PTPRD: variants seen among roughly 807,000 people sequenced by gnomAD.
PTPRD encodes protein tyrosine phosphatase receptor type D, also known as receptor-type tyrosine-protein phosphatase delta.
Under a neutral mutation model 214.5 loss-of-function variants are expected in PTPRD, and 34 were observed. The ratio of observed to expected loss-of-function variants is 0.16; its 90% CI spans 0.12 to 0.21. PTPRD has a LOEUF of 0.21. Ranked by LOEUF, PTPRD falls within the 10% of genes least tolerant of loss-of-function variation. PTPRD has a pLI of 1.00. For synonymous variants in PTPRD, 1,128 were observed against 845.7 expected (o/e 1.33, Z -5.79); for missense variants, 2,545 against 2,398.7 (o/e 1.06, Z -1.27).
At chr9:10,597,836 G>A (rs181236523) in intron 2 of PTPRD, among the ~76,000 whole-genome samples, 1 of 151,900 alleles carries the variant, frequency 6.6e-6, no homozygotes, top group East Asian at 1.9e-4. Context: ...TAATTCTATA[G>A]TTTATATTAA....
At chr9:9,254,274 G>A (rs2099976770) in intron 9 of PTPRD, among the ~76,000 whole-genome samples, 1 of 151,904 alleles carries the variant, frequency 6.6e-6, no homozygotes, top group African/African-American at 2.4e-5. Flanking sequence ...TTTCCTTTTT[G>A]GACAAAGTAA....
chr9:10,514,652 T>G (rs1187653301), intron 2 of PTPRD, among the ~76,000 whole-genome samples: 2 of 151,950 alleles, frequency 1.3e-5, no homozygotes, highest in African/African-American at 4.8e-5. Flanking sequence ...AGTGACTTTT[T>G]TTTCCTCTTG....
intron 3 of PTPRD, among the ~76,000 whole-genome samples, chr9:10,196,493 G>A (rs2099398774): frequency 6.6e-6 from 1 of 152,240 alleles, no homozygotes; most frequent in Admixed American, 6.5e-5. Context: ...ACACCCCTCT[G>A]CATAGACTCT....
At chr9:8,761,621 C>T (rs528101102) in intron 11 of PTPRD, among the ~76,000 whole-genome samples, 1 of 152,234 alleles carries the variant, frequency 6.6e-6, no homozygotes, top group South Asian at 2.1e-4. Context: ...TAAGGAGTTA[C>T]AATCCTAAGA....
intron 11 of PTPRD, among the ~76,000 whole-genome samples, chr9:8,783,803 T>C (rs1008774591): frequency 2.6e-5 from 4 of 152,208 alleles, no homozygotes; most frequent in African/African-American, 9.6e-5. Context: ...AATTCCCAGA[T>C]AGAGCAGGAG....
intron 3 of PTPRD, among the ~76,000 whole-genome samples, chr9:10,322,941 T>C (rs2096577735): frequency 6.6e-6 from 1 of 151,934 alleles, no homozygotes; most frequent in Non-Finnish European, 1.5e-5. Context: ...TATGGGAATG[T>C]TCAGGAATAA....
At chr9:10,477,591 GA>G (rs2099071370) in intron 2 of PTPRD, among the ~76,000 whole-genome samples, 1 of 152,072 alleles carries the variant, frequency 6.6e-6, no homozygotes, top group African/African-American at 2.4e-5. Flanking sequence ...CAAGGATCTA[GA>G]ACCAGAAATA....
chr9:8,720,117 T>C (rs774631359), intron 12 of PTPRD, among the ~76,000 whole-genome samples: 1 of 152,216 alleles, frequency 6.6e-6, no homozygotes, highest in African/African-American at 2.4e-5. Flanking sequence ...CCACCTCCCA[T>C]GTGGTCACTC....
intron 9 of PTPRD, among the ~76,000 whole-genome samples, chr9:9,239,207 A>T (rs548422409): frequency 1.8e-4 from 27 of 152,204 alleles, no homozygotes; most frequent in South Asian, 1.4e-3. Context: ...TGAAAAAAAA[A>T]AAAACCACAA....
chr9:8,857,261 G>T (rs547940477), intron 11 of PTPRD, among the ~76,000 whole-genome samples: 1 of 152,270 alleles, frequency 6.6e-6, no homozygotes, highest in African/African-American at 2.4e-5. Flanking sequence ...TTTAAAAAAG[G>T]CGGTGGCAGG....
chr9:9,151,216 G>C (rs531063937), intron 10 of PTPRD, among the ~76,000 whole-genome samples: 4 of 152,256 alleles, frequency 2.6e-5, no homozygotes, highest in African/African-American at 9.6e-5. Flanking sequence ...TTGTTTTGGG[G>C]AGTCTGAGGT....
At chr9:9,488,574 A>G (rs747803411) in intron 8 of PTPRD, among the ~76,000 whole-genome samples, 1 of 152,170 alleles carries the variant, frequency 6.6e-6, no homozygotes, top group African/African-American at 2.4e-5. Flanking sequence ...AATAAAAATA[A>G]GGCTATTATT....
chr9:10,339,743 T>G (rs1042683065), intron 3 of PTPRD, among the ~76,000 whole-genome samples: 9 of 151,700 alleles, frequency 5.9e-5, no homozygotes, highest in African/African-American at 1.9e-4. Flanking sequence ...CAGGAAACCT[T>G]GGTCTCATTA....
intron 7 of PTPRD, among the ~76,000 whole-genome samples, chr9:9,685,000 G>A (rs193005549): frequency 6.6e-6 from 1 of 151,658 alleles, no homozygotes; most frequent in Non-Finnish European, 1.5e-5. Flanking sequence ...TGAAGCCCAT[G>A]TCCTTAGAAC....
chr9:8,977,389 T>C (rs1051048761), intron 11 of PTPRD, among the ~76,000 whole-genome samples: 4 of 152,136 alleles, frequency 2.6e-5, no homozygotes. Context: ...GATCTGGTTC[T>C]ATTTAGTATT....
intron 12 of PTPRD, among the ~76,000 whole-genome samples, chr9:8,698,737 T>C (rs866691225): frequency 2.6e-5 from 4 of 152,258 alleles, no homozygotes; most frequent in Middle Eastern, 3.4e-3. Context: ...TCCGGCATAA[T>C]ACAGAAATCG....
intron 2 of PTPRD, among the ~76,000 whole-genome samples, chr9:10,508,725 C>T (rs976592581): frequency 5.3e-5 from 8 of 152,034 alleles, no homozygotes; most frequent in African/African-American, 1.9e-4. Context: ...TGTTCTCACT[C>T]ATAGGTGGGA....
rs546367912 is a variant in PTPRD at position 8,435,054 on chromosome 9, C to T, written c.4086+1538G>A. Among the ~76,000 whole-genome samples the T allele has an allele frequency of 2.1e-4, 32 of 152,276 alleles. 1 individual carries two copies. The Middle Eastern group carries it at 0.014, about 65-fold the overall frequency. ...ATAACTTCACCAAGAGGCAAGGAAA[C>T]AAACAAAATCTTTGCATCCTATCAA... On this transcript the variant is annotated intron_variant, in intron 35 of 45. Coordinates refer to ENST00000381196, the MANE Select transcript of PTPRD (RefSeq NM_002839.4).
chr9:9,945,556 G>C (rs983779277), intron 4 of PTPRD, among the ~76,000 whole-genome samples: 14 of 152,132 alleles, frequency 9.2e-5, no homozygotes, highest in Non-Finnish European at 1.5e-5. Context: ...TGTGTCCAAG[G>C]TGGCAGTTAA....
Sources: gnomAD v4.1 joint callset for allele counts (sites outside exome capture counted in the v4.1 genomes callset) on GRCh38, gnomAD v4.1.1 for gene constraint, MANE v1.5 for transcripts, NCBI Gene and HGNC (gene_info 2026-07-23, HGNC 2026-07-21) for gene names.